Variants in PLA2R1 observed in about 807,000 individuals in gnomAD.
PLA2R1 encodes the protein phospholipase A2 receptor 1.
In PLA2R1, 158 loss-of-function variants were observed where a neutral mutation model predicts 195.9. That is an observed-to-expected ratio of 0.81 (90% CI 0.71 to 0.92). The LOEUF is 0.92. Among genes scored for constraint, PLA2R1 ranks in the 40% least tolerant of loss-of-function variants. The pLI is 0.00. For synonymous variants in PLA2R1, 586 were observed against 598.2 expected, an observed-to-expected ratio of 0.98 and a Z score of 0.30; for missense variants, 1,626 against 1,764.6, an observed-to-expected ratio of 0.92 and a Z score of 1.41.
At position 159,955,332 on chromosome 2, in the gene PLA2R1, A is replaced by G. The variant is rs752454486; in HGVS notation, c.3168T>C (p.Asn1056=). Residue 1056 remains asparagine, a synonymous_variant, in exon 23 of 30, where the codon AAT becomes AAC. Coordinates refer to ENST00000283243, the MANE Select transcript of PLA2R1 (RefSeq NM_007366.5). The part of the protein sequence containing the change: ...PFDIINIPSH[N]TTEVQKHIPL... ...GAATGTGTTTCTGAACTTCAGTGGT[A>G]TTGTGACTTGGAATCTTTAAAATAA... 1 of 1,596,018 alleles carries G rather than the reference A, an allele frequency of 6.3e-7. No individual in the cohort carries two copies. Among genetic ancestry groups the G allele is most frequent in the Non-Finnish European group, 8.6e-7 (1 of 1,165,844 alleles).
intron 1 of PLA2R1, among the ~76,000 whole-genome samples, chr2:160,054,143 T>A (rs1299785270): frequency 6.6e-6 from 1 of 152,216 alleles, no homozygotes; most frequent in Non-Finnish European, 1.5e-5. Flanking sequence ...ATGGGTTTAA[T>A]AGTAATGCTG....
At chr2:160,020,820 T>C (rs919766975) in intron 7 of PLA2R1, among the ~76,000 whole-genome samples, 1 of 152,224 alleles carries the variant, frequency 6.6e-6, no homozygotes, top group Admixed American at 6.5e-5. Flanking sequence ...CTTTGTATTC[T>C]ACTATAATCA....
At chr2:160,043,379 G>A (rs2105604094) in intron 2 of PLA2R1, among the ~76,000 whole-genome samples, 1 of 152,204 alleles carries the variant, frequency 6.6e-6, no homozygotes, top group East Asian at 1.9e-4. Flanking sequence ...CCTTCTCAGG[G>A]TATTGCAATA....
At chr2:159,990,430 C>T (rs1690692737) in intron 11 of PLA2R1, among the ~76,000 whole-genome samples, 2 of 152,212 alleles carry the variant, frequency 1.3e-5, no homozygotes, top group Admixed American at 6.6e-5. Flanking sequence ...AAAACCTCCA[C>T]TGTCCACCTC....
chr2:160,017,685 G>A (rs1250974035), intron 8 of PLA2R1, among the ~76,000 whole-genome samples: 1 of 152,064 alleles, frequency 6.6e-6, no homozygotes, highest in Non-Finnish European at 1.5e-5. Flanking sequence ...TATAATAACT[G>A]CTAACATATT....
intron 4 of PLA2R1, 93 bp downstream of exon 4, chr2:160,032,866 A>T (rs1268808663): frequency 1.9e-6 from 2 of 1,026,136 alleles, no homozygotes; most frequent in Admixed American, 2.6e-5. Context: ...TTTTTTAAGA[A>T]CTTTTTGTCA....
intron 28 of PLA2R1, among the ~76,000 whole-genome samples, chr2:159,944,258 A>C (rs1201767739): frequency 6.6e-6 from 1 of 152,098 alleles, no homozygotes; most frequent in Non-Finnish European, 1.5e-5. Context: ...TGGGATCCTA[A>C]AACCTCATGT....
In PLA2R1 at chr2:160,033,109, T is replaced by C. The variant is rs1455206144; in HGVS notation, c.691A>G (p.Thr231Ala). The C allele has an allele frequency of 6.2e-7, 1 of 1,611,790 alleles. No homozygotes were observed. The highest frequency in any genetic ancestry group is 1.1e-5 in the South Asian group (1 of 90,366). ...GAATTGAGGTCCTTCTCCCAAATAG[T>C]ATCACAACCTACTTCTGCAGAGGCT... is the stretch of plus-strand genomic sequence containing the variant. ...DPTSAEVGCD[T>A]IWEKDLNSHI... The change falls in exon 4 of 30, where the codon ACT (threonine) becomes GCT (alanine). Residue 231 changes from threonine to alanine, a missense_variant. Thr to Ala is a moderately conservative substitution (Grantham distance 58). Coordinates refer to ENST00000283243, the MANE Select transcript of PLA2R1 (RefSeq NM_007366.5).
intron 4 of PLA2R1, among the ~76,000 whole-genome samples, chr2:160,030,606 C>A (rs934241256): frequency 1.3e-5 from 2 of 152,112 alleles, no homozygotes; most frequent in Admixed American, 6.5e-5. Flanking sequence ...GCACAAAAAA[C>A]CATCTATTTA....
At position 159,941,836 on chromosome 2, in the gene PLA2R1, C is replaced by T; in HGVS notation, c.4334G>A (p.Ser1445Asn). 1 of 1,612,764 alleles carries T rather than the reference C, an allele frequency of 6.2e-7. No individual in the cohort carries two copies. Among genetic ancestry groups the T allele is most frequent in the Middle Eastern group, 1.7e-4 (1 of 6,058 alleles). The change falls in exon 30 of 30, where the codon AGT (serine) becomes AAT (asparagine). Residue 1445 changes from serine to asparagine, a missense_variant. Physicochemically the swap from Ser to Asn is conservative, Grantham distance 46. Coordinates refer to ENST00000283243, the MANE Select transcript of PLA2R1 (RefSeq NM_007366.5). ...AATATTTTCTTCTAAATATACTGTACTAAAGTTGGTTGCAGGATAGTAAGG... is the reference window on the plus strand; with the variant it reads ...AATATTTTCTTCTAAATATACTGTATTAAAGTTGGTTGCAGGATAGTAAGG... Reference protein sequence around the residue: ...RNPYYPATNFSTVYLEENILI... With the variant: ...RNPYYPATNFNTVYLEENILI...
At chr2:160,015,277 A>T (rs1692654910) in intron 9 of PLA2R1, among the ~76,000 whole-genome samples, 1 of 152,226 alleles carries the variant, frequency 6.6e-6, no homozygotes. Flanking sequence ...TTTGCTTTGA[A>T]ATTATCAAGA....
intron 11 of PLA2R1, among the ~76,000 whole-genome samples, chr2:159,988,477 G>A (rs777695215): frequency 2.0e-5 from 3 of 152,156 alleles, no homozygotes; most frequent in Non-Finnish European, 4.4e-5. Flanking sequence ...ACAGTAAAAG[G>A]TGTGTTCAAA....
chr2:159,984,488 AG>A (rs1404607844), intron 12 of PLA2R1, among the ~76,000 whole-genome samples: 1 of 152,224 alleles, frequency 6.6e-6, no homozygotes, highest in African/African-American at 2.4e-5. Context: ...CCTTGCTTCC[AG>A]AGTCCATAAA....
chr2:160,025,788 A>T (rs1693480380), intron 6 of PLA2R1, among the ~76,000 whole-genome samples: 1 of 152,146 alleles, frequency 6.6e-6, no homozygotes, highest in South Asian at 2.1e-4. Context: ...CTATCGGAAT[A>T]ATTACTCTGA....
chr2:159,993,570 T>A (rs895276027), intron 11 of PLA2R1, among the ~76,000 whole-genome samples: 1 of 151,616 alleles, frequency 6.6e-6, no homozygotes, highest in Non-Finnish European at 1.5e-5. Context: ...TGAAATAATA[T>A]CATTTCCCAT....
At chr2:160,003,594 C>T (rs1691756354) in intron 11 of PLA2R1, among the ~76,000 whole-genome samples, 1 of 152,018 alleles carries the variant, frequency 6.6e-6, no homozygotes, top group Non-Finnish European at 1.5e-5. Flanking sequence ...AATAGTAAAA[C>T]TTTTTTTATT....
rs1279030836 is a variant in PLA2R1 at position 159,955,695 on chromosome 2, T to TA, written c.3153+2dup. The stretch of plus-strand genomic sequence containing the variant: ...TCTCCAAAAAATAAATCTTAAAACT[T>TA]ACATTTATTATATCAAATGGAGACC... On this transcript the variant is annotated splice_region_variant and intron_variant, in intron 22 of 29. Coordinates refer to ENST00000283243, the MANE Select transcript of PLA2R1 (RefSeq NM_007366.5). The TA allele has an allele frequency of 1.4e-6, 2 of 1,408,242 alleles. No individual in the cohort carries two copies. The highest frequency in any genetic ancestry group is 5.2e-5 in the East Asian group (2 of 38,550). The allele number at this position is 1,408,242 out of a possible 1,614,324, so 87.2% of individuals were successfully genotyped here. A position where few individuals can be genotyped will look rare whatever the true frequency, so the allele number is the denominator to read the frequency against.
chr2:160,020,887 A>T (rs1693062922), intron 7 of PLA2R1, among the ~76,000 whole-genome samples: 1 of 152,212 alleles, frequency 6.6e-6, no homozygotes, highest in Non-Finnish European at 1.5e-5. Context: ...TATAGGCCTT[A>T]TAAGTGAGGC....
chr2:159,969,879 A>G (rs993362944), intron 18 of PLA2R1, among the ~76,000 whole-genome samples: 3 of 152,182 alleles, frequency 2.0e-5, no homozygotes, highest in African/African-American at 7.2e-5. Flanking sequence ...TCTCATCACA[A>G]AAATGAATGA....
Sources: gnomAD v4.1 joint callset for allele counts (sites outside exome capture counted in the v4.1 genomes callset) on GRCh38, gnomAD v4.1.1 for gene constraint, MANE v1.5 for transcripts, NCBI Gene and HGNC (gene_info 2026-07-23, HGNC 2026-07-21) for gene names.